Variants in TMED6 observed in about 807,000 individuals in gnomAD.
TMED6 encodes transmembrane emp24 domain-containing protein 6.
Under a neutral mutation model 26.5 loss-of-function variants are expected in TMED6, and 17 were observed. That is an observed-to-expected ratio of 0.64 (90% confidence interval 0.44 to 0.96). TMED6 has a LOEUF of 0.96. Ranked by LOEUF, TMED6 falls within the 40% of genes least tolerant of loss-of-function variation. The pLI is 0.00. For synonymous variants in TMED6, 107 were observed against 106.2 expected, an observed-to-expected ratio of 1.01 and a Z score of -0.04; for missense variants, 309 against 296.5, an observed-to-expected ratio of 1.04 and a Z score of -0.31.
intron 3 of TMED6, among the ~76,000 whole-genome samples, chr16:69,344,609 C>T (rs2012651938): frequency 6.6e-6 from 1 of 151,288 alleles, no homozygotes; most frequent in African/African-American, 2.4e-5. Flanking sequence ...ACCGTCTCTA[C>T]TAAAAATACA....
chr16:69,350,460 C>T (rs1033412362), intron 1 of TMED6, among the ~76,000 whole-genome samples: 3 of 151,906 alleles, frequency 2.0e-5, no homozygotes. Context: ...CCACCAAGCC[C>T]GGCTAATTTT....
chr16:69,343,739 C>T (rs2012629766), intron 3 of TMED6, 99 bp from the exon 4 acceptor site: 1 of 901,104 alleles, frequency 1.1e-6, no homozygotes, highest in Non-Finnish European at 1.7e-6. Context: ...AAATAATTTA[C>T]CCATATGATT....
At chr16:69,346,712 G>A (rs1457199812) in intron 3 of TMED6, among the ~76,000 whole-genome samples, 1 of 152,066 alleles carries the variant, frequency 6.6e-6, no homozygotes, top group Admixed American at 6.6e-5. Flanking sequence ...AGCTGAGGTT[G>A]CGCCATTGCA....
At chr16:69,348,266 G>A (rs1044405216) in intron 2 of TMED6, 2 of 201,306 alleles carry the variant, frequency 9.9e-6, no homozygotes, top group Middle Eastern at 2.1e-3. Flanking sequence ...AGAGCATGGT[G>A]TTTGCCTGGT....
At position 69,343,394 on chromosome 16, in the gene TMED6, T is replaced by TAGTC. The variant is rs1417441343; in HGVS notation, c.*9_*12dup. On this transcript the variant is annotated 3_prime_UTR_variant, in exon 4 of 4. Coordinates refer to ENST00000288025, the MANE Select transcript of TMED6 (RefSeq NM_144676.4). ...CCAGAAGAAAACAGCCAGGGTGCTA[T>TAGTC]AGTCACCTTAGCTTAGCATCTTGGC... 1 of 1,609,254 alleles carries TAGTC rather than the reference T, an allele frequency of 6.2e-7. No homozygotes were observed. The highest frequency in any genetic ancestry group is 8.5e-7 in the Non-Finnish European group (1 of 1,176,124).
At chr16:69,345,349 G>A (rs2012666813) in intron 3 of TMED6, among the ~76,000 whole-genome samples, 1 of 151,940 alleles carries the variant, frequency 6.6e-6, no homozygotes, top group South Asian at 2.1e-4. Flanking sequence ...TATCTTAGGA[G>A]GGATTTGTAT....
rs1053072364 is a variant in TMED6, at chr16:69,343,625, C to T, written c.505G>A (p.Val169Met). 2 of 1,613,616 alleles carry T rather than the reference C, an allele frequency of 1.2e-6. No homozygotes were observed. The highest frequency in any genetic ancestry group is 8.5e-7 in the Non-Finnish European group (1 of 1,179,554). Residue 169 changes from valine to methionine, a missense_variant, in exon 4 of 4, where the codon GTG (valine) becomes ATG (methionine). Transcript: ENST00000288025. ...LDAIEDGTQKVQNNIFHMWRY... is the reference protein window; with the variant it reads ...LDAIEDGTQKMQNNIFHMWRY... ...CACATGTGAAAGATATTGTTCTGCACCTTTTGTGTGCCGTCCTATGAGAGA... is the reference window on the plus strand; with the variant it reads ...CACATGTGAAAGATATTGTTCTGCATCTTTTGTGTGCCGTCCTATGAGAGA...
intron 2 of TMED6, chr16:69,348,292 A>G (rs7191614): frequency 0.29 from 52,794 of 179,512 alleles, 8,858 homozygotes; most frequent in African/African-American, 0.42. Flanking sequence ...TATACAATTA[A>G]AGCTAGGGAC....
Position 69,347,949 on chromosome 16 carries a change from T to C in TMED6, c.341-13A>G. 1.2e-6 allele frequency: 2 copies of C among 1,613,744 alleles called. No individual in the cohort carries two copies. The highest frequency in any genetic ancestry group is 8.5e-7 in the Non-Finnish European group (1 of 1,179,776). On this transcript the variant is annotated splice_polypyrimidine_tract_variant and intron_variant, in intron 2 of 3. Coordinates refer to ENST00000288025, the MANE Select transcript of TMED6 (RefSeq NM_144676.4). Reference sequence around the variant, plus strand: ...AGCTGATAAAAACCTGTAGGAATTCTTAGATCATTACCAAGTCTTTGGTCT... The same window carrying C: ...AGCTGATAAAAACCTGTAGGAATTCCTAGATCATTACCAAGTCTTTGGTCT...
Position 69,351,490 on chromosome 16 carries a change from G to A in TMED6, c.213+51C>T, listed in dbSNP as rs771821980. 119 of 1,565,136 alleles carry A rather than the reference G, an allele frequency of 7.6e-5. 1 individual carries two copies. The highest frequency in any genetic ancestry group is 7.3e-4 in the South Asian group (64 of 87,188). On this transcript the variant is annotated intron_variant, in intron 1 of 3. Coordinates refer to ENST00000288025, the MANE Select transcript of TMED6 (RefSeq NM_144676.4). ...TGGCCTAAAACCTGACCCACTTTAT[G>A]AGTAAAGGAGAAAAAAAAAAGCCCC...
At chr16:69,343,758 T>C in intron 3 of TMED6, 118 bp from the exon 4 acceptor site, 1 of 755,186 alleles carries the variant, frequency 1.3e-6, no homozygotes, top group Non-Finnish European at 2.2e-6. Flanking sequence ...TTTTAAGATG[T>C]ACAATACAAT....
At chr16:69,348,025 A>G in intron 2 of TMED6, 89 bp from the exon 3 acceptor site, 1 of 1,387,542 alleles carries the variant, frequency 7.2e-7, no homozygotes, top group Non-Finnish European at 9.9e-7. Context: ...TAGTTTTGGA[A>G]TTCTACTACA....
chr16:69,345,914 T>C (rs1447506948), intron 3 of TMED6, among the ~76,000 whole-genome samples: 1 of 152,116 alleles, frequency 6.6e-6, no homozygotes, highest in African/African-American at 2.4e-5. Flanking sequence ...ACTCCTGGGC[T>C]CAAGCTATCC....
chr16:69,351,379 C>G (rs971495539), intron 1 of TMED6, among the ~76,000 whole-genome samples, 162 bp downstream of exon 1: 1 of 152,118 alleles, frequency 6.6e-6, no homozygotes, highest in Non-Finnish European at 1.5e-5. Flanking sequence ...TGATTATTCA[C>G]CCAGCTGGAG....
chr16:69,351,205 C>A (rs76733241), intron 1 of TMED6, among the ~76,000 whole-genome samples: 4,667 of 152,208 alleles, frequency 0.031, 111 homozygotes, highest in Non-Finnish European at 0.048. Context: ...CACCATTATC[C>A]AATTTTGTTT....
intron 2 of TMED6, among the ~76,000 whole-genome samples, chr16:69,349,043 T>C (rs923451939): frequency 1.5e-4 from 23 of 152,340 alleles, no homozygotes; most frequent in Admixed American, 1.4e-3. Context: ...ACACTGCTGC[T>C]CTCCAAAGTG....
intron 1 of TMED6, among the ~76,000 whole-genome samples, chr16:69,350,421 A>T (rs1021124448): frequency 4.4e-4 from 67 of 151,554 alleles, no homozygotes; most frequent in Non-Finnish European, 5.9e-4. Context: ...TGCCTCAGCC[A>T]CCCAAGTAGC....
chr16:69,343,456 C>A lies in TMED6; in HGVS notation c.674G>T (p.Arg225Leu). 6.2e-7 allele frequency: 1 copy of A among 1,614,136 alleles called. No homozygotes were observed. Among genetic ancestry groups the A allele is most frequent in the Non-Finnish European group, 8.5e-7 (1 of 1,180,026 alleles). Reference protein sequence around the residue: ...SGILQLYFLKRLFNVPTTTDT... With the variant: ...SGILQLYFLKLLFNVPTTTDT... ...TGTAGTTGTTGGAACATTGAAGAGACGCTTCAAGAAATACAGTTGCAGGAT... is the reference window on the plus strand; with the variant it reads ...TGTAGTTGTTGGAACATTGAAGAGAAGCTTCAAGAAATACAGTTGCAGGAT... The change falls in exon 4 of 4, where the codon CGT becomes CTT. Residue 225 changes from arginine (R) to leucine (L), a missense_variant. Physicochemically the swap from Arg to Leu is moderately radical, Grantham distance 102. Coordinates refer to ENST00000288025, the MANE Select transcript of TMED6 (RefSeq NM_144676.4).
chr16:69,343,678 C>A, intron 3 of TMED6, 38 bp from the exon 4 acceptor site: 1 of 1,581,356 alleles, frequency 6.3e-7, no homozygotes, highest in African/African-American at 1.3e-5. Context: ...TTCTTCCAAA[C>A]CCCCATCTAG....
Sources: gnomAD v4.1 joint callset for allele counts (sites outside exome capture counted in the v4.1 genomes callset) on GRCh38, gnomAD v4.1.1 for gene constraint, MANE v1.5 for transcripts, NCBI Gene and HGNC (gene_info 2026-07-23, HGNC 2026-07-21) for gene names.